Variants in GRIA1 observed in about 807,000 individuals in gnomAD.
GRIA1 encodes glutamate ionotropic receptor AMPA type subunit 1, also known as glutamate receptor 1.
In GRIA1, 31 loss-of-function variants were observed where a neutral mutation model predicts 99.2. That is an observed-to-expected ratio of 0.31 (90% CI 0.23 to 0.42). The LOEUF is 0.42. Among genes scored for constraint, GRIA1 ranks in the 10% least tolerant of loss-of-function variants. GRIA1 has a pLI of 1.00. For missense variants in GRIA1, 782 were observed against 1,157.5 expected, an observed-to-expected ratio of 0.68 and a Z score of 4.71; for synonymous variants, 438 against 432.4, an observed-to-expected ratio of 1.01 and a Z score of -0.16.
intron 2 of GRIA1, among the ~76,000 whole-genome samples, chr5:153,613,651 T>C (rs1766203302): frequency 6.6e-6 from 1 of 152,186 alleles, no homozygotes; most frequent in African/African-American, 2.4e-5. Context: ...TGCCATTACT[T>C]TTAATGACAA....
chr5:153,561,949 G>T (rs892355610), intron 2 of GRIA1, among the ~76,000 whole-genome samples: 1 of 152,214 alleles, frequency 6.6e-6, no homozygotes, highest in Non-Finnish European at 1.5e-5. Flanking sequence ...AGAAGAAACA[G>T]CTGAGTTAAA....
intron 11 of GRIA1, among the ~76,000 whole-genome samples, chr5:153,711,971 G>T (rs564861308): frequency 6.0e-4 from 91 of 152,342 alleles, no homozygotes; most frequent in African/African-American, 2.1e-3. Flanking sequence ...AGGAGAAGAA[G>T]TCTAAGGCGG....
intron 11 of GRIA1, among the ~76,000 whole-genome samples, chr5:153,746,515 C>T (rs1762170998): frequency 6.6e-6 from 1 of 152,180 alleles, no homozygotes; most frequent in Non-Finnish European, 1.5e-5. Flanking sequence ...TGTTCCCAGT[C>T]CTAAGAACTT....
At chr5:153,615,636 C>A (rs1388847992) in intron 2 of GRIA1, among the ~76,000 whole-genome samples, 1 of 152,150 alleles carries the variant, frequency 6.6e-6, no homozygotes, top group Non-Finnish European at 1.5e-5. Context: ...AAAGCAAGAT[C>A]CTGCCTATTA....
chr5:153,526,615 A>T (rs1442733660), intron 2 of GRIA1, among the ~76,000 whole-genome samples: 1 of 152,244 alleles, frequency 6.6e-6, no homozygotes, highest in Non-Finnish European at 1.5e-5. Context: ...ATCATGGATG[A>T]TACATTGTGA....
chr5:153,648,281 T>A (rs1754303811), intron 3 of GRIA1, among the ~76,000 whole-genome samples: 1 of 152,190 alleles, frequency 6.6e-6, no homozygotes, highest in Non-Finnish European at 1.5e-5. Context: ...AGACTGTGAC[T>A]ATTGCAGGGG....
In GRIA1 at chr5:153,804,718, TTAATTAATTA is replaced by T. The variant is rs1561874741; in HGVS notation, c.2520+2229_2520+2238del. Among the ~76,000 whole-genome samples the T allele has an allele frequency of 6.6e-4, 87 of 131,874 alleles. 1 individual carries two copies. Among genetic ancestry groups the T allele is most frequent in the Non-Finnish European group, 6.8e-4 (40 of 58,602 alleles). 86.5% of individuals were successfully genotyped at this position (131,874 alleles called of 152,430 possible). A position where few individuals can be genotyped will look rare whatever the true frequency, so the allele number is the denominator to read the frequency against. On this transcript the variant is annotated intron_variant, in intron 15 of 15. Transcript: ENST00000285900. ...TTAGTAACTCTCTGATCCTTATTAA[TTAATTAATTA>T]ATTAATTTATTTATTTATTTATTTA...
chr5:153,777,281 G>A (rs1207960560), intron 13 of GRIA1, among the ~76,000 whole-genome samples: 2 of 152,126 alleles, frequency 1.3e-5, no homozygotes, highest in African/African-American at 4.8e-5. Context: ...CAGAACATGA[G>A]GAGGAGGCCC....
rs1345974628 is a variant in GRIA1 at position 153,802,484 on chromosome 5, G to A, written c.2514G>A (p.Arg838=). The change falls in exon 15 of 16, where the codon CGG becomes CGA. Residue 838 remains arginine (R), a synonymous_variant. Transcript: ENST00000285900. ...ACAAATCCCGTAGTGAATCCAAGCG[G>A]ATGAAGGTGGCATCGTCTTCCCGGG... ...FCYKSRSESK[R]MKGFCLIPQQ... is the part of the protein sequence containing the mutation. 6.2e-7 allele frequency: 1 copy of A among 1,613,880 alleles called. No homozygotes were observed. The highest frequency in any genetic ancestry group is 1.3e-5 in the African/African-American group (1 of 74,888).
chr5:153,559,007 T>G (rs915390669), intron 2 of GRIA1, among the ~76,000 whole-genome samples: 4 of 152,160 alleles, frequency 2.6e-5, no homozygotes, highest in East Asian at 1.9e-4. Context: ...AGGATTGAAG[T>G]GCTTCCCACC....
intron 2 of GRIA1, among the ~76,000 whole-genome samples, chr5:153,585,774 C>A (rs1455633271): frequency 3.9e-5 from 6 of 152,142 alleles, no homozygotes; most frequent in Non-Finnish European, 2.9e-5. Context: ...GGTCTTAGCA[C>A]AAAATCTTTT....
At chr5:153,639,616 T>C (rs1329926592) in intron 2 of GRIA1, among the ~76,000 whole-genome samples, 1 of 152,238 alleles carries the variant, frequency 6.6e-6, no homozygotes, top group African/African-American at 2.4e-5. Flanking sequence ...CATTTTATTT[T>C]CTTTGTAATA....
At chr5:153,653,464 G>A (rs1380202512) in intron 4 of GRIA1, among the ~76,000 whole-genome samples, 1 of 152,202 alleles carries the variant, frequency 6.6e-6, no homozygotes, top group Non-Finnish European at 1.5e-5. Context: ...TGTAAACAAT[G>A]GGGAGTCAGT....
At chr5:153,615,032 G>T (rs1766357337) in intron 2 of GRIA1, among the ~76,000 whole-genome samples, 1 of 152,156 alleles carries the variant, frequency 6.6e-6, no homozygotes, top group East Asian at 1.9e-4. Context: ...TTCCAAATGT[G>T]ATTTTAAAGT....
At position 153,811,224 on chromosome 5, in the gene GRIA1, A is replaced by G; in HGVS notation, c.2720A>G (p.Ter907=). The change falls in exon 16 of 16, where the codon TAA becomes TGA. Residue 907 remains the stop codon, a stop_retained_variant. Transcript: ENST00000285900. ...ATGCCCTTGGGAGCCACGGGATTGTAACTGGAGCAGATGGAGACCCCTTGG... is the reference window on the plus strand; with the variant it reads ...ATGCCCTTGGGAGCCACGGGATTGTGACTGGAGCAGATGGAGACCCCTTGG... ...SGMPLGATGL[*] 6.2e-7 allele frequency: 1 copy of G among 1,613,008 alleles called. No individual in the cohort carries two copies. Among genetic ancestry groups the G allele is most frequent in the Non-Finnish European group, 8.5e-7 (1 of 1,178,996 alleles).
At chr5:153,605,282 G>A (rs1434405822) in intron 2 of GRIA1, among the ~76,000 whole-genome samples, 1 of 151,964 alleles carries the variant, frequency 6.6e-6, no homozygotes, top group Non-Finnish European at 1.5e-5. Context: ...ATCTGTTTAC[G>A]TTTGCTTAAT....
intron 2 of GRIA1, among the ~76,000 whole-genome samples, chr5:153,600,052 T>C (rs1010309035): frequency 1.2e-4 from 18 of 152,032 alleles, no homozygotes; most frequent in Admixed American, 2.0e-4. Context: ...GCGCCGGTCG[T>C]CAGAGAGTCT....
At chr5:153,760,319 T>C (rs1349923805) in intron 11 of GRIA1, among the ~76,000 whole-genome samples, 2 of 151,870 alleles carry the variant, frequency 1.3e-5, no homozygotes, top group Non-Finnish European at 2.9e-5. Flanking sequence ...AAAAAGCTAA[T>C]AGAAATTCAA....
chr5:153,624,472 C>G (rs1020012648), intron 2 of GRIA1, among the ~76,000 whole-genome samples: 1 of 152,196 alleles, frequency 6.6e-6, no homozygotes, highest in Admixed American at 6.5e-5. Flanking sequence ...CACTGATCCT[C>G]CTCCCCTGAT....
Sources: allele counts gnomAD v4.1 joint callset (sites outside exome capture counted in the v4.1 genomes callset), GRCh38; gene constraint gnomAD v4.1.1; transcripts MANE v1.5; gene names NCBI Gene and HGNC (gene_info 2026-07-23, HGNC 2026-07-21).